The following ARHGEF28 variants were observed in gnomAD, a reference collection of about 807,000 sequenced individuals.
ARHGEF28 encodes Rho guanine nucleotide exchange factor 28, also known as 190 kDa guanine nucleotide exchange factor.
Under a neutral mutation model 206.6 loss-of-function variants are expected in ARHGEF28, and 152 were observed. The ratio of observed to expected loss-of-function variants is 0.74; its 90% CI spans 0.64 to 0.84. The LOEUF (loss-of-function observed/expected upper bound fraction) is 0.84, where lower values mean the gene tolerates loss of function less well. Ranked by LOEUF, ARHGEF28 falls within the 40% of genes least tolerant of loss-of-function variation. The pLI is 0.00. For missense variants in ARHGEF28, 2,028 were observed against 2,073.2 expected, an observed-to-expected ratio of 0.98 and a Z score of 0.42; for synonymous variants, 763 against 776.4, an observed-to-expected ratio of 0.98 and a Z score of 0.29.
At position 73,794,619 on chromosome 5, in the gene ARHGEF28, T is replaced by C. The variant is rs576386103; in HGVS notation, c.963+165T>C. On this transcript the variant is annotated intron_variant, in intron 8 of 35. Transcript: ENST00000513042. ...TTTTCTTTTTCTTTCTTTTTTTTTT[T>C]TTTTTGAGATGGAGCCTCGCTCTGT... is the stretch of plus-strand genomic sequence containing the variant. 4.6e-5 allele frequency among the ~76,000 whole-genome samples: 7 copies of C among 151,344 alleles called. No individual in the cohort carries two copies. The East Asian group carries it at 5.8e-4, about 13-fold the overall frequency.
chr5:73,735,304 G>A (rs13357892), intron 2 of ARHGEF28, among the ~76,000 whole-genome samples: 51,868 of 151,624 alleles, frequency 0.34, 10,177 homozygotes, highest in African/African-American at 0.54. Flanking sequence ...TGCAAGTGCC[G>A]ATATATTTTA....
chr5:73,692,581 T>G (rs1388425617), intron 2 of ARHGEF28, among the ~76,000 whole-genome samples: 1 of 152,200 alleles, frequency 6.6e-6, no homozygotes, highest in Non-Finnish European at 1.5e-5. Flanking sequence ...GAAGGTATAA[T>G]CTGATGTCTA....
At chr5:73,936,287 T>C (rs1764413889) in intron 35 of ARHGEF28, among the ~76,000 whole-genome samples, 1 of 152,168 alleles carries the variant, frequency 6.6e-6, no homozygotes, top group African/African-American at 2.4e-5. Flanking sequence ...TTAGTTAACT[T>C]TGCAAATACT....
chr5:73,904,072 T>A (rs1290535131), intron 31 of ARHGEF28, 150 bp from the exon 32 acceptor site: 7 of 714,470 alleles, frequency 9.8e-6, no homozygotes, highest in Non-Finnish European at 1.6e-5. Context: ...AGGCTTTTAT[T>A]TCTGGGAGGA....
Position 73,886,044 on chromosome 5 carries a change from G to A in ARHGEF28, c.3250G>A (p.Glu1084Lys). ...VFRKQALMSEERTLLYDGLVY... is the reference protein window; with the variant it reads ...VFRKQALMSEKRTLLYDGLVY... ...TAGGAAGCAGGCACTGATGAGTGAA[G>A]AAAGGACTCTGTTATATGATGGCCT... The change falls in exon 25 of 36, where the codon GAA becomes AAA. Residue 1084 changes from glutamate to lysine, a missense_variant. By Grantham distance (56) the Glu-to-Lys change is moderately conservative (BLOSUM62 1). Around this residue, in one of 3 missense-constraint regions of ARHGEF28, gnomAD observed 803 missense variants for 768.0 expected, o/e 1.05. Coordinates refer to ENST00000513042, the MANE Select transcript of ARHGEF28 (RefSeq NM_001177693.2). The A allele has an allele frequency of 1.2e-6, 2 of 1,613,942 alleles. No individual in the cohort carries two copies. The highest frequency in any genetic ancestry group is 1.7e-6 in the Non-Finnish European group (2 of 1,179,874).
chr5:73,726,480 T>C (rs1028305537), intron 2 of ARHGEF28, among the ~76,000 whole-genome samples: 3 of 152,232 alleles, frequency 2.0e-5, no homozygotes, highest in South Asian at 4.1e-4. Context: ...ATCTAAAATA[T>C]GCTATCCAGC....
chr5:73,660,177 GT>G (rs1259655425), intron 1 of ARHGEF28, among the ~76,000 whole-genome samples: 1 of 152,052 alleles, frequency 6.6e-6, no homozygotes, highest in East Asian at 1.9e-4. Flanking sequence ...TAAATTTTTT[GT>G]TGTCTTTTCA....
chr5:73,770,604 G>C (rs548667891), intron 4 of ARHGEF28, among the ~76,000 whole-genome samples: 2 of 152,244 alleles, frequency 1.3e-5, no homozygotes, highest in Admixed American at 1.3e-4. Context: ...AGTTTGTTTT[G>C]CTGGCTGCCG....
At chr5:73,801,684 C>T (rs532328876) in intron 9 of ARHGEF28, among the ~76,000 whole-genome samples, 8 of 152,082 alleles carry the variant, frequency 5.3e-5, no homozygotes, top group African/African-American at 1.9e-4. Context: ...TCTCTCTACA[C>T]CCCAGGCTAC....
At chr5:73,780,504 C>G (rs535810577) in intron 6 of ARHGEF28, 172 bp from the exon 7 acceptor site, 1 of 622,154 alleles carries the variant, frequency 1.6e-6, no homozygotes, top group East Asian at 2.8e-5. Flanking sequence ...TTTGCTCGCC[C>G]TCCTGCTGGG....
chr5:73,935,990 G>A (rs1381151111), intron 35 of ARHGEF28, among the ~76,000 whole-genome samples: 1 of 152,172 alleles, frequency 6.6e-6, no homozygotes, highest in African/African-American at 2.4e-5. Flanking sequence ...GGGTGCACTG[G>A]TGAGCTAAAT....
At chr5:73,841,797 G>T (rs1052056023) in intron 11 of ARHGEF28, among the ~76,000 whole-genome samples, 1 of 151,910 alleles carries the variant, frequency 6.6e-6, no homozygotes, top group Non-Finnish European at 1.5e-5. Flanking sequence ...GTTACATCTA[G>T]GGAAGGAAAT....
At chr5:73,878,831 G>A (rs1319052909) in intron 22 of ARHGEF28, among the ~76,000 whole-genome samples, 17 of 151,426 alleles carry the variant, frequency 1.1e-4, no homozygotes, top group African/African-American at 3.6e-4. Flanking sequence ...TGGGTAACCC[G>A]ACCTTTCTCT....
chr5:73,900,781 C>T (rs1284090906), intron 30 of ARHGEF28: 2 of 166,826 alleles, frequency 1.2e-5, no homozygotes, highest in African/African-American at 4.8e-5. Context: ...TTTTTACAGA[C>T]TTAAGTCTGC....
At chr5:73,685,131 C>T (rs1747375604) in intron 2 of ARHGEF28, among the ~76,000 whole-genome samples, 2 of 152,098 alleles carry the variant, frequency 1.3e-5, no homozygotes, top group South Asian at 4.1e-4. Context: ...TGGATTCAAA[C>T]ACTCAGTTCA....
At chr5:73,738,360 G>C (rs1337630602) in intron 2 of ARHGEF28, among the ~76,000 whole-genome samples, 7 of 152,056 alleles carry the variant, frequency 4.6e-5, no homozygotes, top group Non-Finnish European at 1.0e-4. Context: ...GAGCTCTAAG[G>C]CTTCTTTCAG....
intron 4 of ARHGEF28, among the ~76,000 whole-genome samples, chr5:73,760,304 G>GT (rs11303508): frequency 5.8e-4 from 85 of 146,956 alleles, no homozygotes; most frequent in Middle Eastern, 7.2e-3. Flanking sequence ...AGTTTCCAGT[G>GT]TTTTTTTTTT....
At chr5:73,938,804 T>C (rs1319445473) in intron 35 of ARHGEF28, among the ~76,000 whole-genome samples, 1 of 152,118 alleles carries the variant, frequency 6.6e-6, no homozygotes, top group Non-Finnish European at 1.5e-5. Context: ...GCATTCCAGG[T>C]TGATTTGTAA....
At chr5:73,774,381 T>C (rs1753423055) in intron 5 of ARHGEF28, among the ~76,000 whole-genome samples, 1 of 152,208 alleles carries the variant, frequency 6.6e-6, no homozygotes, top group South Asian at 2.1e-4. Context: ...AGAGTAACAT[T>C]ATGACTAATT....
Sources: gnomAD v4.1 joint callset for allele counts (sites outside exome capture counted in the v4.1 genomes callset) on GRCh38, gnomAD v4.1.1 for gene constraint, gnomAD v4.1.1 regional missense constraint, MANE v1.5 for transcripts, NCBI Gene and HGNC (gene_info 2026-07-23, HGNC 2026-07-21) for gene names.